The following RBFOX3 variants were observed in gnomAD, a reference collection of about 807,000 sequenced individuals.
The protein encoded by RBFOX3 is RNA binding fox-1 homolog 3, also known as RNA binding protein fox-1 homolog 3.
Under a neutral mutation model 48.7 loss-of-function variants are expected in RBFOX3, and 17 were observed. That is an observed-to-expected ratio of 0.35 (90% CI 0.24 to 0.52). RBFOX3 has a LOEUF of 0.52. Among genes scored for constraint, RBFOX3 ranks in the 20% least tolerant of loss-of-function variants. RBFOX3 has a pLI of 0.94. For synonymous variants in RBFOX3, 212 were observed against 209.5 expected, an observed-to-expected ratio of 1.01 and a Z score of -0.10; for missense variants, 382 against 497.5, an observed-to-expected ratio of 0.77 and a Z score of 2.21.
intron 1 of RBFOX3, among the ~76,000 whole-genome samples, chr17:79,514,769 A>G (rs1216704755): frequency 1.3e-5 from 2 of 152,014 alleles, no homozygotes; most frequent in Non-Finnish European, 2.9e-5. Flanking sequence ...GAGCATTTCT[A>G]TTTGGTTAAG....
chr17:79,280,631 T>C (rs764080964), intron 3 of RBFOX3, among the ~76,000 whole-genome samples: 34 of 152,116 alleles, frequency 2.2e-4, no homozygotes, highest in Non-Finnish European at 4.9e-4. Context: ...GGTGTTCCTT[T>C]TAGAGAGTGA....
intron 1 of RBFOX3, chr17:79,508,878 A>T (rs2083614810): frequency 6.6e-6 from 1 of 152,442 alleles, no homozygotes. Flanking sequence ...TACAGGGCAC[A>T]CCAAAGCCAA....
intron 3 of RBFOX3, among the ~76,000 whole-genome samples, chr17:79,272,209 T>C (rs2143775798): frequency 1.3e-5 from 2 of 152,184 alleles, no homozygotes; most frequent in South Asian, 4.2e-4. Flanking sequence ...GCCGTTGCTA[T>C]TGGCAGCCAC....
rs559461863 is a variant in RBFOX3 at position 79,120,278 on chromosome 17, A to G, written c.-33-4530T>C. 1.1e-3 allele frequency among the ~76,000 whole-genome samples: 161 copies of G among 152,244 alleles called. 4 individuals carry two copies. In the South Asian group the frequency reaches 0.032, roughly 30 times the overall value. ...TCTACTCAGAAGAGTCTCAGCGTAC[A>G]AGAACGGGTGGATGTACGTACGTAT... On this transcript the variant is annotated intron_variant, in intron 4 of 14. Coordinates refer to ENST00000693108, the MANE Select transcript of RBFOX3 (RefSeq NM_001350451.2).
At chr17:79,575,269 A>G (rs1403637543) in intron 1 of RBFOX3, among the ~76,000 whole-genome samples, 1 of 152,206 alleles carries the variant, frequency 6.6e-6, no homozygotes, top group Non-Finnish European at 1.5e-5. Context: ...GAGGGCATGC[A>G]ACAGGGAAAT....
chr17:79,352,873 G>T (rs1247707218), intron 2 of RBFOX3, among the ~76,000 whole-genome samples: 4 of 152,214 alleles, frequency 2.6e-5, no homozygotes, highest in African/African-American at 4.8e-5. Flanking sequence ...CTCCTGCTGG[G>T]CACTGGGGCC....
chr17:79,560,439 T>C (rs2092135280), intron 1 of RBFOX3, among the ~76,000 whole-genome samples: 1 of 152,174 alleles, frequency 6.6e-6, no homozygotes, highest in Non-Finnish European at 1.5e-5. Context: ...TTACTTCTCC[T>C]TGACTGTAGC....
In RBFOX3 at chr17:79,471,355, T is replaced by A. The variant is rs190734755; in HGVS notation, c.-175+11099A>T. Among the ~76,000 whole-genome samples the A allele has an allele frequency of 3.6e-3, 542 of 152,178 alleles. 4 individuals carry two copies. The highest frequency in any genetic ancestry group is 2.8e-3 in the Non-Finnish European group (189 of 68,014). ...AAAGAGCGTGCAGGGCCGGGCAAAA[T>A]ACTAAATAATTCAAAAATCATGATG... is the stretch of plus-strand genomic sequence containing the variant. On this transcript the variant is annotated intron_variant, in intron 2 of 14. Transcript: ENST00000693108. This position sits in a 1 kb window ranked among gnomAD's most constrained non-coding sequence, Gnocchi z 4.0.
In RBFOX3 at chr17:79,244,625, T is replaced by C. The variant is rs2062868715; in HGVS notation, c.-73-8820A>G. On this transcript the variant is annotated intron_variant, in intron 3 of 14. Transcript: ENST00000693108. ...CATGGTGGCCCTTTCTTCACGGTCA[T>C]TGCTCTTCCACGACTTCTCCATGAT... 3.3e-5 allele frequency among the ~76,000 whole-genome samples: 5 copies of C among 152,074 alleles called. No homozygotes were observed. In the South Asian group the frequency reaches 1.0e-3, roughly 32 times the overall value.
intron 2 of RBFOX3, among the ~76,000 whole-genome samples, chr17:79,360,425 C>T (rs562960282): frequency 1.9e-4 from 29 of 152,324 alleles, no homozygotes; most frequent in African/African-American, 6.3e-4. Context: ...TCACCAGCCC[C>T]GCCAAGCGCC....
At position 79,254,126 on chromosome 17, in the gene RBFOX3, A is replaced by C. The variant is rs187767049; in HGVS notation, c.-73-18321T>G. Reference sequence around the variant, plus strand: ...AGGTCCTGGGCAGGGAGGCAAGTTCACCACTGCATCGCTAGCACCCAGGAC... The same window carrying C: ...AGGTCCTGGGCAGGGAGGCAAGTTCCCCACTGCATCGCTAGCACCCAGGAC... On this transcript the variant is annotated intron_variant, in intron 3 of 14. Coordinates refer to ENST00000693108, the MANE Select transcript of RBFOX3 (RefSeq NM_001350451.2). The surrounding 1 kb of genome is among the most constrained non-coding windows in gnomAD (Gnocchi z 4.8). 8.1e-3 allele frequency among the ~76,000 whole-genome samples: 1,230 copies of C among 152,320 alleles called. 15 individuals are homozygous for C. Among genetic ancestry groups the C allele is most frequent in the African/African-American group, 0.028 (1,161 of 41,564 alleles).
rs547808740 is a variant in RBFOX3, at chr17:79,195,892, C to T, written c.-34+39874G>A. On this transcript the variant is annotated intron_variant, in intron 4 of 14. Coordinates refer to ENST00000693108, the MANE Select transcript of RBFOX3 (RefSeq NM_001350451.2). This position sits in a 1 kb window ranked among gnomAD's most constrained non-coding sequence, Gnocchi z 5.3. ...GGGTGAGCTTATTGATTTTTCTCTC[C>T]GAGGTAGAAGGAGAGGCCTCGGAAA... Among the ~76,000 whole-genome samples, 3 of 152,272 alleles carry T rather than the reference C, an allele frequency of 2.0e-5. No homozygotes were observed. The highest frequency in any genetic ancestry group is 1.9e-4 in the East Asian group (1 of 5,166).
intron 1 of RBFOX3, chr17:79,598,080 C>T (rs2145250855): frequency 6.6e-6 from 1 of 152,338 alleles, no homozygotes; most frequent in East Asian, 1.9e-4. Flanking sequence ...CCTCTTTCCA[C>T]CATCCCTCAC....
intron 1 of RBFOX3, among the ~76,000 whole-genome samples, chr17:79,512,395 C>G (rs1337127826): frequency 3.4e-5 from 4 of 117,144 alleles, no homozygotes; most frequent in Non-Finnish European, 7.1e-5. Flanking sequence ...CCATCGGGTA[C>G]AGCCCCATAG....
At chr17:79,094,280 G>A (rs528279021) in intron 14 of RBFOX3, 171 bp downstream of exon 14, 11 of 501,166 alleles carry the variant, frequency 2.2e-5, no homozygotes, top group South Asian at 9.5e-5. Flanking sequence ...CTGAGAGGGC[G>A]TGAGGGGCCA....
At chr17:79,389,674 G>A (rs1287078111) in intron 2 of RBFOX3, among the ~76,000 whole-genome samples, 1 of 152,230 alleles carries the variant, frequency 6.6e-6, no homozygotes, top group Non-Finnish European at 1.5e-5. Flanking sequence ...CCAGAGATCT[G>A]GGGTGGGACA....
chr17:79,174,159 A>C (rs1380969076), intron 4 of RBFOX3, among the ~76,000 whole-genome samples: 3 of 152,090 alleles, frequency 2.0e-5, no homozygotes, highest in Non-Finnish European at 4.4e-5. Flanking sequence ...GGGTGAAAAC[A>C]CCTGGTAGAA....
At chr17:79,584,986 C>T (rs1025541453) in intron 1 of RBFOX3, among the ~76,000 whole-genome samples, 2 of 151,770 alleles carry the variant, frequency 1.3e-5, no homozygotes, top group African/African-American at 4.8e-5. Context: ...AGGATGTTCT[C>T]GATCTCCTGA....
chr17:79,092,961 G>GT (rs2074262179), intron 14 of RBFOX3, among the ~76,000 whole-genome samples: 1 of 151,918 alleles, frequency 6.6e-6, no homozygotes, highest in South Asian at 2.1e-4. Context: ...ATGCAGAGGG[G>GT]GGGTCCCAGC....
Sources: gnomAD v4.1 joint callset for allele counts (sites outside exome capture counted in the v4.1 genomes callset) on GRCh38, gnomAD v4.1.1 for gene constraint, Gnocchi (gnomAD v3.1) non-coding constraint, MANE v1.5 for transcripts, NCBI Gene and HGNC (gene_info 2026-07-23, HGNC 2026-07-21) for gene names.